Variants in MYO3B observed in about 807,000 individuals in gnomAD.
MYO3B encodes myosin-IIIb.
In MYO3B, 156 loss-of-function variants were observed where a neutral mutation model predicts 174.6. That is an observed-to-expected ratio of 0.89 (90% CI 0.78 to 1.02). The LOEUF is 1.02. Among genes scored for constraint, MYO3B ranks in the 50% least tolerant of loss-of-function variants. The pLI is 0.00. For missense variants in MYO3B, 1,632 were observed against 1,639.4 expected (o/e 1.00, Z 0.08); for synonymous variants, 563 against 569.1 (o/e 0.99, Z 0.15).
chr2:170,534,551 T>A (rs1468004858), intron 30 of MYO3B, among the ~76,000 whole-genome samples: 1 of 152,132 alleles, frequency 6.6e-6, no homozygotes, highest in East Asian at 1.9e-4. Flanking sequence ...GCTTAAGTGA[T>A]CCTCCCATTT....
At position 170,453,455 on chromosome 2, in the gene MYO3B, A is replaced by ACACACACACACACAC. The variant is rs1559016281; in HGVS notation, c.2730+9409_2730+9410insCACACACACACACAC. 1.6e-3 allele frequency among the ~76,000 whole-genome samples: 165 copies of ACACACACACACACAC among 102,136 alleles called. 1 individual carries two copies. The Middle Eastern group carries it at 0.018, about 11-fold the overall frequency. The allele number at this position is 102,136 out of a possible 152,430, so 67.0% of individuals were successfully genotyped here. On this transcript the variant is annotated intron_variant, in intron 23 of 34. Coordinates refer to ENST00000408978, the MANE Select transcript of MYO3B (RefSeq NM_138995.5). Reference sequence around the variant, plus strand: ...ACACACACACACACACACACACACGAGAGAGAGAGAGAGAAAGAGAGAGCG... The same window carrying ACACACACACACACAC: ...ACACACACACACACACACACACACGACACACACACACACACGAGAGAGAGAGAGAAAGAGAGAGCG...
At chr2:170,515,064 G>A in intron 29 of MYO3B, 42 bp downstream of exon 29, 1 of 1,549,938 alleles carries the variant, frequency 6.5e-7, no homozygotes, top group Non-Finnish European at 8.9e-7. Context: ...CTAAATTCAG[G>A]GGCATTCCGG....
intron 6 of MYO3B, among the ~76,000 whole-genome samples, chr2:170,219,372 G>A (rs1009822391): frequency 1.2e-4 from 19 of 152,130 alleles, no homozygotes; most frequent in African/African-American, 3.4e-4. Context: ...GGTCAGGAGC[G>A]GTGGCTCATG....
At chr2:170,604,096 C>T (rs921838634) in intron 32 of MYO3B, among the ~76,000 whole-genome samples, 1 of 152,146 alleles carries the variant, frequency 6.6e-6, no homozygotes, top group African/African-American at 2.4e-5. Flanking sequence ...TGTAAGTACA[C>T]TATAGGTTAT....
chr2:170,178,387 G>A (rs2092358021), intron 1 of MYO3B, 98 bp downstream of exon 1: 1 of 1,492,146 alleles, frequency 6.7e-7, no homozygotes, highest in Admixed American at 1.7e-5. Flanking sequence ...GGTGGGCAGT[G>A]GAGGGGGATG....
chr2:170,239,622 G>A (rs2093108911), intron 7 of MYO3B, among the ~76,000 whole-genome samples: 2 of 152,242 alleles, frequency 1.3e-5, no homozygotes, highest in South Asian at 2.1e-4. Flanking sequence ...GGACAGCACA[G>A]GCTGGCCTGA....
chr2:170,512,801 TAGG>T, intron 28 of MYO3B, among the ~76,000 whole-genome samples: 1 of 152,128 alleles, frequency 6.6e-6, no homozygotes, highest in Non-Finnish European at 1.5e-5. Flanking sequence ...ATGTAATATT[TAGG>T]AGTTCAGACT....
intron 8 of MYO3B, among the ~76,000 whole-genome samples, chr2:170,354,056 G>A (rs183587232): frequency 4.6e-5 from 7 of 152,284 alleles, no homozygotes; most frequent in Admixed American, 2.6e-4. Flanking sequence ...TATGAAATTC[G>A]TGATCCATCT....
chr2:170,459,845 A>G (rs955605041), intron 23 of MYO3B, among the ~76,000 whole-genome samples: 1 of 151,930 alleles, frequency 6.6e-6, no homozygotes, highest in Non-Finnish European at 1.5e-5. Context: ...GACCTGGTGC[A>G]CCTTCCGCAG....
chr2:170,395,224 A>T (rs899172518), intron 16 of MYO3B, among the ~76,000 whole-genome samples: 1 of 152,156 alleles, frequency 6.6e-6, no homozygotes, highest in African/African-American at 2.4e-5. Flanking sequence ...CTGGGGGATT[A>T]TACCTAAGAC....
At chr2:170,485,244 T>C (rs79012067) in intron 25 of MYO3B, among the ~76,000 whole-genome samples, 2 of 152,240 alleles carry the variant, frequency 1.3e-5, no homozygotes, top group East Asian at 3.9e-4. Context: ...GTAAAAATAA[T>C]GTATGAACAC....
At chr2:170,558,580 T>C (rs1559114573) in intron 32 of MYO3B, among the ~76,000 whole-genome samples, 1 of 152,218 alleles carries the variant, frequency 6.6e-6, no homozygotes, top group Non-Finnish European at 1.5e-5. Context: ...TTTTCTCTTT[T>C]TTCCCTTAAC....
At chr2:170,383,315 A>G (rs2094349525) in intron 11 of MYO3B, 126 bp downstream of exon 11, 1 of 647,960 alleles carries the variant, frequency 1.5e-6, no homozygotes, top group Non-Finnish European at 2.8e-6. Context: ...CAAACTGCAG[A>G]TAGTAATGTA....
intron 7 of MYO3B, among the ~76,000 whole-genome samples, chr2:170,237,921 G>A (rs1481922020): frequency 6.6e-6 from 1 of 152,220 alleles, no homozygotes; most frequent in African/African-American, 2.4e-5. Context: ...GTGTGATTAT[G>A]TGTGCTCATG....
intron 28 of MYO3B, among the ~76,000 whole-genome samples, chr2:170,513,075 C>T (rs982737419): frequency 6.6e-6 from 1 of 152,114 alleles, no homozygotes; most frequent in African/African-American, 2.4e-5. Flanking sequence ...TTTCTTCCCA[C>T]CCAATTTTTC....
intron 32 of MYO3B, among the ~76,000 whole-genome samples, chr2:170,603,756 A>C (rs771616478): frequency 7.2e-5 from 11 of 152,260 alleles, no homozygotes; most frequent in Non-Finnish European, 1.2e-4. Context: ...ATTCATCAGT[A>C]GAAACTTGTT....
chr2:170,449,443 A>G (rs1440342084), intron 23 of MYO3B, among the ~76,000 whole-genome samples: 1 of 152,232 alleles, frequency 6.6e-6, no homozygotes, highest in Admixed American at 6.5e-5. Context: ...TCATGGGAGT[A>G]TACTTTACTC....
chr2:170,480,181 G>T (rs1461301446), intron 25 of MYO3B, among the ~76,000 whole-genome samples: 1 of 152,114 alleles, frequency 6.6e-6, no homozygotes, highest in Middle Eastern at 3.4e-3. Context: ...GGTGTGTCAG[G>T]CCTCAGGAAA....
chr2:170,620,059 G>T (rs892862954), intron 32 of MYO3B, among the ~76,000 whole-genome samples: 2 of 151,964 alleles, frequency 1.3e-5, no homozygotes, highest in Non-Finnish European at 2.9e-5. Flanking sequence ...ATCATTAAAG[G>T]ACCACCTTAG....
Sources: gnomAD v4.1 joint callset for allele counts (sites outside exome capture counted in the v4.1 genomes callset) on GRCh38, gnomAD v4.1.1 for gene constraint, MANE v1.5 for transcripts, NCBI Gene and HGNC (gene_info 2026-07-23, HGNC 2026-07-21) for gene names.